The following PAPPA variants were observed in gnomAD, a reference collection of about 807,000 sequenced individuals.
PAPPA encodes the protein pappalysin 1.
PAPPA carries 60 observed loss-of-function variants against 164.0 expected under a neutral mutation model. The observed-to-expected ratio is 0.37, with a 90% CI of 0.30 to 0.45. The LOEUF is 0.45. PAPPA is among the 20% of genes least tolerant of loss of function. PAPPA has a pLI of 1.00. For missense variants in PAPPA, 1,782 were observed against 2,087.3 expected (o/e 0.85, Z 2.85); for synonymous variants, 875 against 814.1 (o/e 1.07, Z -1.27).
At chr9:116,388,217 C>T (rs1588032063) in intron 21 of PAPPA, among the ~76,000 whole-genome samples, 1 of 152,244 alleles carries the variant, frequency 6.6e-6, no homozygotes, top group East Asian at 1.9e-4. Context: ...CACCTGCCTG[C>T]AGTGTGAGGC....
At chr9:116,249,441 T>A (rs1456935588) in intron 7 of PAPPA, among the ~76,000 whole-genome samples, 1 of 152,166 alleles carries the variant, frequency 6.6e-6, no homozygotes, top group African/African-American at 2.4e-5. Context: ...TGCTGTAAGG[T>A]CTGGACTTCA....
chr9:116,315,373 G>T (rs1253406729), intron 10 of PAPPA, among the ~76,000 whole-genome samples: 2 of 152,154 alleles, frequency 1.3e-5, no homozygotes, highest in South Asian at 2.1e-4. Context: ...CAGTGAGAAG[G>T]GTTGTTTGGT....
At chr9:116,229,673 A>G (rs1844560601) in intron 6 of PAPPA, among the ~76,000 whole-genome samples, 1 of 152,238 alleles carries the variant, frequency 6.6e-6, no homozygotes, top group Non-Finnish European at 1.5e-5. Flanking sequence ...TTATGAGGGC[A>G]TGATATATGG....
intron 8 of PAPPA, among the ~76,000 whole-genome samples, chr9:116,268,855 AG>A (rs1332098862): frequency 2.5e-5 from 2 of 81,286 alleles, no homozygotes; most frequent in Admixed American, 1.8e-4. Flanking sequence ...GTGGGGGGGT[AG>A]GGGGGAAGGA....
At chr9:116,383,092 C>T (rs1846754443) in intron 21 of PAPPA, among the ~76,000 whole-genome samples, 1 of 152,134 alleles carries the variant, frequency 6.6e-6, no homozygotes, top group South Asian at 2.1e-4. Context: ...TATATCAGGA[C>T]ACACCCAGGA....
In PAPPA at chr9:116,271,295, G is replaced by T. The variant is rs376014223; in HGVS notation, c.2862-30G>T. On this transcript the variant is annotated intron_variant, in intron 8 of 21. Coordinates refer to ENST00000328252, the MANE Select transcript of PAPPA (RefSeq NM_002581.5). This position sits in a 1 kb window ranked among gnomAD's most constrained non-coding sequence, Gnocchi z 4.2. ...CAGCCATGGTTTTAAGACTAAATTG[G>T]CAAATTTCTCTTCCATATCTGCTCT... is the stretch of plus-strand genomic sequence containing the variant. 3.9e-6 allele frequency: 6 copies of T among 1,557,738 alleles called. No homozygotes were observed. Among genetic ancestry groups the T allele is most frequent in the Non-Finnish European group, 5.3e-6 (6 of 1,129,062 alleles).
intron 10 of PAPPA, among the ~76,000 whole-genome samples, chr9:116,323,215 G>T (rs1376386663): frequency 6.6e-6 from 1 of 152,194 alleles, no homozygotes; most frequent in Non-Finnish European, 1.5e-5. Flanking sequence ...CTGCAAAGGA[G>T]GGGGATTTGG....
rs113703505 is a variant in PAPPA, at chr9:116,204,896, GA to G, written c.1479-2549del. On this transcript the variant is annotated intron_variant, in intron 2 of 21. Transcript: ENST00000328252. ...TCTCTTCTATCTTGTTGACAAAAGT[GA>G]AAAAAAAAAATCCTTTCAAGGCATA... Among the ~76,000 whole-genome samples, 207 of 145,626 alleles carry G rather than the reference GA, an allele frequency of 1.4e-3. 1 individual carries two copies. The highest frequency in any genetic ancestry group is 3.6e-3 in the African/African-American group (142 of 39,824).
At chr9:116,163,674 C>T (rs188811006) in intron 1 of PAPPA, among the ~76,000 whole-genome samples, 1 of 152,278 alleles carries the variant, frequency 6.6e-6, no homozygotes, top group Admixed American at 6.5e-5. Flanking sequence ...TATTTTCCTC[C>T]ACTAGGTGGT....
chr9:116,383,701 T>C (rs1227223953), intron 21 of PAPPA, among the ~76,000 whole-genome samples: 1 of 152,210 alleles, frequency 6.6e-6, no homozygotes, highest in Non-Finnish European at 1.5e-5. Flanking sequence ...CTGAATCTTT[T>C]GGTTGAGGAA....
chr9:116,258,613 A>T (rs1454512637), intron 7 of PAPPA, among the ~76,000 whole-genome samples: 1 of 151,812 alleles, frequency 6.6e-6, no homozygotes, highest in Non-Finnish European at 1.5e-5. Context: ...CCGAGATCGC[A>T]CCATTGCACT....
rs1401245848 is a variant in PAPPA at position 116,187,167 on chromosome 9, A to T, written c.429A>T (p.Lys143Asn). The change falls in exon 2 of 22, where the codon AAA becomes AAT. Residue 143 changes from lysine to asparagine, a missense_variant. Transcript: ENST00000328252. The surrounding 1 kb of genome is among the most constrained non-coding windows in gnomAD (Gnocchi z 4.2). ...SPAVITGLYDKCSYISRDRGW... is the reference protein window; with the variant it reads ...SPAVITGLYDNCSYISRDRGW... Reference sequence around the variant, plus strand: ...GGGGCCACATAGGGCTGTATGACAAATGTTCTTATATCTCACGTGACCGAG... The same window carrying T: ...GGGGCCACATAGGGCTGTATGACAATTGTTCTTATATCTCACGTGACCGAG... 6.2e-7 allele frequency: 1 copy of T among 1,612,934 alleles called. No individual in the cohort carries two copies. The highest frequency in any genetic ancestry group is 1.1e-5 in the South Asian group (1 of 91,064).
chr9:116,278,210 T>A (rs1845224667), intron 9 of PAPPA, among the ~76,000 whole-genome samples: 1 of 152,184 alleles, frequency 6.6e-6, no homozygotes, highest in Admixed American at 6.5e-5. Context: ...TAAGAACTCT[T>A]TGTAAAAATG....
chr9:116,279,436 T>C (rs1845241277), intron 9 of PAPPA, among the ~76,000 whole-genome samples: 1 of 151,992 alleles, frequency 6.6e-6, no homozygotes, highest in Admixed American at 6.6e-5. Flanking sequence ...ACCACCTCCT[T>C]TGGAAACCCG....
intron 8 of PAPPA, among the ~76,000 whole-genome samples, chr9:116,269,889 T>A (rs1463207375): frequency 6.6e-6 from 1 of 152,144 alleles, no homozygotes; most frequent in Non-Finnish European, 1.5e-5. Context: ...AATACAAACT[T>A]CTTCTTTGCT....
intron 17 of PAPPA, among the ~76,000 whole-genome samples, chr9:116,356,248 T>A (rs1336995684): frequency 6.6e-6 from 1 of 152,220 alleles, no homozygotes; most frequent in Non-Finnish European, 1.5e-5. Context: ...GTTACTTAAC[T>A]CGTTAAGCTT....
intron 18 of PAPPA, among the ~76,000 whole-genome samples, chr9:116,366,294 A>G (rs1463015834): frequency 6.6e-6 from 1 of 152,258 alleles, no homozygotes; most frequent in East Asian, 1.9e-4. Context: ...GAGCTGAATT[A>G]CAGTCAACTT....
In PAPPA at chr9:116,325,757, A is replaced by T. The variant is rs57369900; in HGVS notation, c.3148-5487A>T. 2.9e-3 allele frequency among the ~76,000 whole-genome samples: 442 copies of T among 152,152 alleles called. 4 individuals carry two copies. The highest frequency in any genetic ancestry group is 0.01 in the African/African-American group (426 of 41,546). On this transcript the variant is annotated intron_variant, in intron 10 of 21. Coordinates refer to ENST00000328252, the MANE Select transcript of PAPPA (RefSeq NM_002581.5). Reference sequence around the variant, plus strand: ...ATTTCTGCCATGATTTCTTGGGGGAAGAGATATAAATGTCACTGGAGATGG... The same window carrying T: ...ATTTCTGCCATGATTTCTTGGGGGATGAGATATAAATGTCACTGGAGATGG...
chr9:116,224,221 A>G (rs924571829), intron 5 of PAPPA, among the ~76,000 whole-genome samples: 1 of 152,226 alleles, frequency 6.6e-6, no homozygotes, highest in Non-Finnish European at 1.5e-5. Context: ...AACTGAATAA[A>G]TAATTCAAGG....
Sources: allele counts gnomAD v4.1 joint callset (sites outside exome capture counted in the v4.1 genomes callset), GRCh38; gene constraint gnomAD v4.1.1; non-coding constraint Gnocchi (gnomAD v3.1); transcripts MANE v1.5; gene names NCBI Gene and HGNC (gene_info 2026-07-23, HGNC 2026-07-21).